NINL: variants seen among roughly 807,000 people sequenced by gnomAD.
The protein encoded by NINL is ninein like.
Under a neutral mutation model 160.3 loss-of-function variants are expected in NINL, and 153 were observed. That is an observed-to-expected ratio of 0.95 (90% CI 0.84 to 1.09). NINL has a LOEUF of 1.09. Among genes scored for constraint, NINL ranks in the 50% least tolerant of loss-of-function variants. NINL has a pLI of 0.00. For missense variants in NINL, 1,829 were observed against 1,764.0 expected, an observed-to-expected ratio of 1.04 and a Z score of -0.66; for synonymous variants, 800 against 734.8, an observed-to-expected ratio of 1.09 and a Z score of -1.43.
At chr20:25,491,247 G>T in intron 11 of NINL, 104 bp downstream of exon 11, 1 of 1,360,132 alleles carries the variant, frequency 7.4e-7, no homozygotes, top group African/African-American at 1.4e-5. Flanking sequence ...ATAAGCTTGA[G>T]GGCACTGGCA....
At chr20:25,558,309 G>C (rs1021051227) in intron 1 of NINL, among the ~76,000 whole-genome samples, 1 of 152,194 alleles carries the variant, frequency 6.6e-6, no homozygotes, top group Admixed American at 6.5e-5. Flanking sequence ...CTGGATTCAA[G>C]CGATTCTCCT....
At chr20:25,485,588 G>T (rs1253577151) in intron 13 of NINL, among the ~76,000 whole-genome samples, 1 of 152,202 alleles carries the variant, frequency 6.6e-6, no homozygotes, top group Non-Finnish European at 1.5e-5. Context: ...ATTAGGTTAT[G>T]TATTCATATT....
intron 15 of NINL, among the ~76,000 whole-genome samples, 170 bp downstream of exon 15, chr20:25,479,991 G>C (rs189525329): frequency 6.6e-6 from 1 of 152,228 alleles, no homozygotes; most frequent in Admixed American, 6.5e-5. Context: ...GGTTTGGGCA[G>C]CATGTCAGTT....
intron 1 of NINL, among the ~76,000 whole-genome samples, chr20:25,573,133 C>T (rs937764133): frequency 2.8e-4 from 43 of 152,096 alleles, no homozygotes; most frequent in African/African-American, 9.6e-4. Context: ...CCTGTCTCTA[C>T]TAAAAATACA....
At position 25,470,010 on chromosome 20, in the gene NINL, T is replaced by C; in HGVS notation, c.3334A>G (p.Ser1112Gly). 6.2e-7 allele frequency: 1 copy of C among 1,614,160 alleles called. No individual in the cohort carries two copies. The highest frequency in any genetic ancestry group is 8.5e-7 in the Non-Finnish European group (1 of 1,179,988). ...CCTTACCTCTGTGCATCGTGAGTACTTTCTGCAGCTTCAAGCTCTTGCCGA... is the reference window on the plus strand; with the variant it reads ...CCTTACCTCTGTGCATCGTGAGTACCTTCTGCAGCTTCAAGCTCTTGCCGA... ...RVRQELEAAE[S>G]THDAQRKEIE... Residue 1112 changes from serine to glycine, a missense_variant, in exon 18 of 24, where the codon AGT becomes GGT. Transcript: ENST00000278886.
intron 8 of NINL, among the ~76,000 whole-genome samples, chr20:25,499,648 G>A (rs1225162162): frequency 1.3e-5 from 2 of 152,126 alleles, no homozygotes; most frequent in East Asian, 1.9e-4. Context: ...CATCTTGGGG[G>A]ACTCGGTAAC....
chr20:25,496,649 G>C lies in NINL; in HGVS notation c.1310+14C>G. 6.2e-7 allele frequency: 1 copy of C among 1,603,830 alleles called. No individual in the cohort carries two copies. The highest frequency in any genetic ancestry group is 1.1e-5 in the South Asian group (1 of 90,394). On this transcript the variant is annotated intron_variant, in intron 10 of 23. Transcript: ENST00000278886. ...GGCCCAGGTAAGAATCCACCACCTG[G>C]GCCCAGAACCCACTTGATTTTCTTC...
intron 13 of NINL, among the ~76,000 whole-genome samples, chr20:25,487,956 C>T (rs534318686): frequency 2.4e-4 from 37 of 152,340 alleles, no homozygotes; most frequent in Non-Finnish European, 4.6e-4. Context: ...AAACATTCCA[C>T]GGTCTCTGCG....
At chr20:25,553,362 G>C (rs1333456534) in intron 1 of NINL, among the ~76,000 whole-genome samples, 1 of 152,038 alleles carries the variant, frequency 6.6e-6, no homozygotes, top group Non-Finnish European at 1.5e-5. Flanking sequence ...ATTTTAAACA[G>C]AGCCACTCAC....
At chr20:25,584,019 C>G (rs1215264080) in intron 1 of NINL, among the ~76,000 whole-genome samples, 1 of 152,062 alleles carries the variant, frequency 6.6e-6, no homozygotes, top group Non-Finnish European at 1.5e-5. Flanking sequence ...AGCATTAGGA[C>G]AAATACCTAA....
intron 1 of NINL, among the ~76,000 whole-genome samples, chr20:25,562,653 A>T (rs2064957823): frequency 6.8e-6 from 1 of 147,662 alleles, no homozygotes; most frequent in Non-Finnish European, 1.5e-5. Context: ...GGACACACAC[A>T]CTCTGCCTAG....
At position 25,526,554 on chromosome 20, in the gene NINL, G is replaced by T. The variant is rs1281872343; in HGVS notation, c.34C>A (p.Leu12Ile). The T allele has an allele frequency of 1.2e-6, 2 of 1,614,240 alleles. No individual in the cohort carries two copies. Among genetic ancestry groups the T allele is most frequent in the Non-Finnish European group, 1.7e-6 (2 of 1,180,038 alleles). Reference sequence around the variant, plus strand: ...TCGCAGCTGCTGTAGACTTCCCTGAGCTGCGAGACATAGTGGTTCTCTTCT... The same window carrying T: ...TCGCAGCTGCTGTAGACTTCCCTGATCTGCGAGACATAGTGGTTCTCTTCT... ...DEEENHYVSQLREVYSSCDTT... is the reference protein window; with the variant it reads ...DEEENHYVSQIREVYSSCDTT... The change falls in exon 2 of 24, where the codon CTC (leucine) becomes ATC (isoleucine). Residue 12 changes from leucine to isoleucine, a missense_variant. Transcript: ENST00000278886.
At chr20:25,483,945 G>A (rs1441836649) in intron 13 of NINL, among the ~76,000 whole-genome samples, 1 of 152,210 alleles carries the variant, frequency 6.6e-6, no homozygotes, top group Non-Finnish European at 1.5e-5. Context: ...GGAGACAGCA[G>A]AAGTGATGCC....
At chr20:25,465,789 C>A (rs1188656629) in intron 19 of NINL, among the ~76,000 whole-genome samples, 1 of 152,206 alleles carries the variant, frequency 6.6e-6, no homozygotes, top group African/African-American at 2.4e-5. Flanking sequence ...TAGTTACACA[C>A]AATGTGGCAC....
chr20:25,538,695 C>T (rs939881972), intron 1 of NINL, among the ~76,000 whole-genome samples: 2 of 151,916 alleles, frequency 1.3e-5, no homozygotes, highest in East Asian at 3.9e-4. Context: ...GAAAGACAAC[C>T]GCCCTAACTC....
At chr20:25,535,902 A>G (rs1176072272) in intron 1 of NINL, among the ~76,000 whole-genome samples, 2 of 152,222 alleles carry the variant, frequency 1.3e-5, no homozygotes, top group African/African-American at 4.8e-5. Flanking sequence ...AGAATAATAC[A>G]AGACTTTTCC....
chr20:25,476,609 G>A lies in NINL; in HGVS notation c.2682C>T (p.Ala894=). The change falls in exon 17 of 24, where the codon GCC becomes GCT. Residue 894 remains alanine, a synonymous_variant. Transcript: ENST00000278886. ...DTEATQSPAP[A]PAPASHGPSE... ...AGGGGCCGTGGGATGCCGGGGCAGG[G>A]GCGGGGGCCGGGCTCTGCGTAGCTT... 6.3e-7 allele frequency: 1 copy of A among 1,595,438 alleles called. No homozygotes were observed.
chr20:25,461,305 T>C (rs972505767), intron 21 of NINL, among the ~76,000 whole-genome samples: 1 of 152,042 alleles, frequency 6.6e-6, no homozygotes, highest in Non-Finnish European at 1.5e-5. Flanking sequence ...CCCTCGGGAG[T>C]AAACAGTCAC....
chr20:25,462,305 TCCTGA>T, intron 20 of NINL, 73 bp downstream of exon 20: 2 of 1,414,056 alleles, frequency 1.4e-6, no homozygotes, highest in Non-Finnish European at 1.9e-6. Flanking sequence ...TCAGCGCGTG[TCCTGA>T]CCTATTTGCA....
Sources: allele counts gnomAD v4.1 joint callset (sites outside exome capture counted in the v4.1 genomes callset), GRCh38; gene constraint gnomAD v4.1.1; transcripts MANE v1.5; gene names NCBI Gene and HGNC (gene_info 2026-07-23, HGNC 2026-07-21).